Variants in PHF23 observed in about 807,000 individuals in gnomAD.
PHF23 encodes PHD finger protein 23.
A neutral mutation model predicts 36.0 loss-of-function variants in PHF23; 3 were observed. The ratio of observed to expected loss-of-function variants is 0.08; its 90% confidence interval spans 0.04 to 0.22. The LOEUF (loss-of-function observed/expected upper bound fraction) is 0.22, where lower values mean the gene tolerates loss of function less well. Among genes scored for constraint, PHF23 ranks in the 10% least tolerant of loss-of-function variants. The pLI, the probability that PHF23 is intolerant of heterozygous loss-of-function variation, is 1.00. For missense variants in PHF23, 475 were observed against 513.6 expected, an observed-to-expected ratio of 0.92 and a Z score of 0.73; for synonymous variants, 242 against 192.5, an observed-to-expected ratio of 1.26 and a Z score of -2.13.
At chr17:7,240,396 G>T (rs1441975193), upstream of PHF23, 1 of 161,446 alleles carries the variant, frequency 6.2e-6, no homozygotes, top group East Asian at 1.9e-4. Flanking sequence ...GGGACGAGGG[G>T]AGCAACACAA....
At position 7,239,181 on chromosome 17, in the gene PHF23, G is replaced by A; in HGVS notation, c.34+65C>T. ...CTGGGCTCCGGGGCTCGACCTCCAA[G>A]TTTGCCAATTGATTCCTCGCCCGCC... On this transcript the variant is annotated intron_variant, in intron 1 of 4. Coordinates refer to ENST00000320316, the MANE Select transcript of PHF23 (RefSeq NM_024297.3). 6 of 1,206,992 alleles carry A rather than the reference G, an allele frequency of 5.0e-6. No individual in the cohort carries two copies. In the South Asian group the frequency reaches 8.0e-5, roughly 16 times the overall value. The allele number at this position is 1,206,992 out of a possible 1,614,324, so 74.8% of individuals were successfully genotyped here.
In PHF23 at chr17:7,236,086, C is replaced by G. The variant is rs771933387; in HGVS notation, c.841G>C (p.Ala281Pro). 2.5e-6 allele frequency: 4 copies of G among 1,613,256 alleles called. No individual in the cohort carries two copies. Residue 281 changes from alanine (A) to proline (P), a missense_variant, in exon 4 of 5, where the codon GCT (alanine) becomes CCT (proline). Physicochemically the swap from Ala to Pro is conservative, Grantham distance 27 (BLOSUM62 -1). Around this residue, in one of 5 missense-constraint regions of PHF23, gnomAD observed 350 missense variants for 319.8 expected, o/e 1.09. Transcript: ENST00000320316. This position sits in a 1 kb window ranked among gnomAD's most constrained non-coding sequence, Gnocchi z 5.1. ...TGCACTGTGGCAGGGGGCCTAGGAG[C>G]CTCAGGGGGTGTTGGCAGCACAGGG... is the stretch of plus-strand genomic sequence containing the variant. The part of the protein sequence containing the change: ...PVPVLPTPPE[A>P]PRPPATVHPE...
chr17:7,238,502 C>T, intron 1 of PHF23: 2 of 955,366 alleles, frequency 2.1e-6, no homozygotes, highest in Non-Finnish European at 2.5e-6. Flanking sequence ...CCCTTCCCCC[C>T]AACCAGCCAC....
At chr17:7,240,150 T>TA (rs1417375752), upstream of PHF23, 3 of 152,260 alleles carry the variant, frequency 2.0e-5, no homozygotes, top group African/African-American at 7.2e-5. Context: ...AATTTTTTTT[T>TA]ACATGAGCAT....
In PHF23 at chr17:7,235,487, T is replaced by C; in HGVS notation, c.*139A>G. ...ATAGGGTGGGAAAGTGAGACACTCA[T>C]TTTCAAACAAGTCTCCCTTGAGAAT... On this transcript the variant is annotated 3_prime_UTR_variant, in exon 5 of 5. Transcript: ENST00000320316. 1.2e-6 allele frequency: 1 copy of C among 867,410 alleles called. No homozygotes were observed. Among genetic ancestry groups the C allele is most frequent in the Non-Finnish European group, 1.8e-6 (1 of 551,460 alleles). The allele number at this position is 867,410 out of a possible 1,614,324, so 53.7% of individuals were successfully genotyped here.
chr17:7,237,279 A>G (rs953903000), intron 3 of PHF23, 106 bp downstream of exon 3: 7 of 1,032,696 alleles, frequency 6.8e-6, no homozygotes, highest in Non-Finnish European at 1.0e-5. Context: ...TCTTACATAT[A>G]ATTTCTAAGG....
upstream of PHF23, chr17:7,239,534 C>A: frequency 2.6e-6 from 1 of 387,028 alleles, no homozygotes; most frequent in East Asian, 5.0e-5. Flanking sequence ...TCTCTCCTCC[C>A]TCCCTCCTCT....
chr17:7,235,401 A>C lies in PHF23; in HGVS notation c.*225T>G, dbSNP rs752699660. On this transcript the variant is annotated 3_prime_UTR_variant, in exon 5 of 5. Coordinates refer to ENST00000320316, the MANE Select transcript of PHF23 (RefSeq NM_024297.3). ...ACAGAGATTATGTGTCGGGACACAGACAGCCTCCCATCCCCAACCGTAATG... is the reference window on the plus strand; with the variant it reads ...ACAGAGATTATGTGTCGGGACACAGCCAGCCTCCCATCCCCAACCGTAATG... The C allele has an allele frequency of 5.0e-5, 28 of 565,458 alleles. 1 individual carries two copies. Among genetic ancestry groups the C allele is most frequent in the South Asian group, 3.4e-4 (17 of 49,294 alleles). 35.0% of individuals were successfully genotyped at this position (565,458 alleles called of 1,614,324 possible). A position where few individuals can be genotyped will look rare whatever the true frequency, so the allele number is the denominator to read the frequency against.
chr17:7,235,521 T>A lies in PHF23; in HGVS notation c.*105A>T, dbSNP rs1240328297. 8.6e-7 allele frequency: 1 copy of A among 1,168,040 alleles called. No individual in the cohort carries two copies. Among genetic ancestry groups the A allele is most frequent in the African/African-American group, 1.5e-5 (1 of 65,122 alleles). The allele number at this position is 1,168,040 out of a possible 1,614,324, so 72.4% of individuals were successfully genotyped here. A position where few individuals can be genotyped will look rare whatever the true frequency, so the allele number is the denominator to read the frequency against. ...AAGTCTCCCTTGAGAATTCCTGCCT[T>A]GAAGTGCAGACAGTATCCAAGCTCC... On this transcript the variant is annotated 3_prime_UTR_variant, in exon 5 of 5. Transcript: ENST00000320316.
At chr17:7,237,358 T>G in intron 3 of PHF23, 27 bp downstream of exon 3, 2 of 1,576,702 alleles carry the variant, frequency 1.3e-6, no homozygotes, top group Non-Finnish European at 1.7e-6. Context: ...CACACCAGCC[T>G]CAAGTCAGTA....
chr17:7,237,322 GAAC>G (rs2071688909), intron 3 of PHF23, 60 bp downstream of exon 3: 1 of 1,375,356 alleles, frequency 7.3e-7, no homozygotes, highest in African/African-American at 1.4e-5. Context: ...AGTTCTGTTT[GAAC>G]AACAGTCACT....
At position 7,239,171 on chromosome 17, in the gene PHF23, C is replaced by T. The variant is rs1204137217; in HGVS notation, c.34+75G>A. On this transcript the variant is annotated intron_variant, in intron 1 of 4. Coordinates refer to ENST00000320316, the MANE Select transcript of PHF23 (RefSeq NM_024297.3). ...AACTCCCCCGCTGGGCTCCGGGGCT[C>T]GACCTCCAAGTTTGCCAATTGATTC... 8 of 1,131,976 alleles carry T rather than the reference C, an allele frequency of 7.1e-6. No individual in the cohort carries two copies. The East Asian group carries it at 2.1e-4, about 30-fold the overall frequency. The allele number at this position is 1,131,976 out of a possible 1,614,324, so 70.1% of individuals were successfully genotyped here.
chr17:7,235,995 T>C lies in PHF23; in HGVS notation c.932A>G (p.Asp311Gly). Residue 311 changes from aspartate to glycine, a missense_variant, in exon 4 of 5, where the codon GAT becomes GGT. This residue lies in a region of PHF23 where 40 missense variants were observed against 111.0 expected (regional missense o/e 0.36). Transcript: ENST00000320316. ...GCCTTCACTGGAGCTGGCATCTCCA[T>C]CTTGGCTTGTTTCAGTGCTGCCCAC... ...KEVGSTETSQDGDASSSEGEM... is the reference protein window; with the variant it reads ...KEVGSTETSQGGDASSSEGEM... 2 of 1,613,756 alleles carry C rather than the reference T, an allele frequency of 1.2e-6. No individual in the cohort carries two copies. The highest frequency in any genetic ancestry group is 1.7e-6 in the Non-Finnish European group (2 of 1,179,780).
In PHF23 at chr17:7,235,241, AT is replaced by A. The variant is rs1421479988; in HGVS notation, c.*384del. On this transcript the variant is annotated 3_prime_UTR_variant, in exon 5 of 5. Transcript: ENST00000320316. ...AAAAATACAACCGGTGTAGAAGAAAATAAATGGGGAGTGAAATAGAAGAAAA... is the reference window on the plus strand; with the variant it reads ...AAAAATACAACCGGTGTAGAAGAAAAAAATGGGGAGTGAAATAGAAGAAAA... 7.8e-6 allele frequency: 2 copies of A among 257,644 alleles called. No individual in the cohort carries two copies. The highest frequency in any genetic ancestry group is 1.9e-4 in the East Asian group (2 of 10,800). 16.0% of individuals were successfully genotyped at this position (257,644 alleles called of 1,614,324 possible).
upstream of PHF23, chr17:7,239,865 C>G (rs1203797507): frequency 2.0e-5 from 3 of 152,366 alleles, no homozygotes; most frequent in Non-Finnish European, 4.4e-5. Context: ...CCCAGGAGGA[C>G]CGCCCCACTT....
rs1455985312 is a variant in PHF23 at position 7,235,994 on chromosome 17, A to G, written c.933T>C (p.Asp311=). 1 of 1,613,692 alleles carries G rather than the reference A, an allele frequency of 6.2e-7. No individual in the cohort carries two copies. The highest frequency in any genetic ancestry group is 1.3e-5 in the African/African-American group (1 of 75,042). ...KEVGSTETSQ[D]GDASSSEGEM... ...CGCCTTCACTGGAGCTGGCATCTCC[A>G]TCTTGGCTTGTTTCAGTGCTGCCCA... Residue 311 remains aspartate, a synonymous_variant, in exon 4 of 5, where the codon GAT becomes GAC. Transcript: ENST00000320316.
At chr17:7,238,777 C>T in intron 1 of PHF23, 1 of 1,534,538 alleles carries the variant, frequency 6.5e-7, no homozygotes, top group South Asian at 1.2e-5. Context: ...CCCACAACTA[C>T]CTGCCCACCT....
rs1333280074 is a variant in PHF23 at position 7,239,283 on chromosome 17, C to A, written c.-4G>T. On this transcript the variant is annotated 5_prime_UTR_variant, in exon 1 of 5. Coordinates refer to ENST00000320316, the MANE Select transcript of PHF23 (RefSeq NM_024297.3). ...GCTCCGCCATGGCTTCCAGCATCGC[C>A]CCCTCCCCTCCTCCCGGTCCGGCGC... The A allele has an allele frequency of 6.8e-7, 1 of 1,463,054 alleles. No individual in the cohort carries two copies. Among genetic ancestry groups the A allele is most frequent in the Non-Finnish European group, 9.5e-7 (1 of 1,055,104 alleles). The allele number at this position is 1,463,054 out of a possible 1,614,324, so 90.6% of individuals were successfully genotyped here.
intron 4 of PHF23, 30 bp from the exon 5 acceptor site, chr17:7,235,870 T>C: frequency 6.2e-7 from 1 of 1,613,916 alleles, no homozygotes; most frequent in Non-Finnish European, 8.5e-7. Context: ...TTTGGTATTC[T>C]GCCTGAGCTG....
Sources: gnomAD v4.1 joint callset for allele counts on GRCh38, gnomAD v4.1.1 for gene constraint, gnomAD v4.1.1 regional missense constraint, Gnocchi (gnomAD v3.1) non-coding constraint, MANE v1.5 for transcripts, NCBI Gene and HGNC (gene_info 2026-07-23, HGNC 2026-07-21) for gene names.